FLCN: variants seen among roughly 807,000 people sequenced by gnomAD.
The protein encoded by FLCN is BHD skin lesion fibrofolliculoma protein.
Under a neutral mutation model 62.5 loss-of-function variants are expected in FLCN, and 22 were observed. That is an observed-to-expected ratio of 0.35 (90% CI 0.25 to 0.50). FLCN has a LOEUF of 0.50. Among genes scored for constraint, FLCN ranks in the 20% least tolerant of loss-of-function variants. The probability of loss-of-function intolerance (pLI) is 0.97; values close to 1 mark genes in which losing one functional copy is unlikely to be tolerated. For missense variants in FLCN, 657 were observed against 778.0 expected, an observed-to-expected ratio of 0.84 and a Z score of 1.85; for synonymous variants, 319 against 310.0, an observed-to-expected ratio of 1.03 and a Z score of -0.30.
Position 17,219,012 on chromosome 17 carries a change from C to T in FLCN, c.1062+7G>A, listed in dbSNP as rs540198776. ...AGCTCCTGATGCGCTGTGCCCCTGC[C>T]GCCTACCTGCCTCATGTGCCGGAGG... is the stretch of plus-strand genomic sequence containing the variant. On this transcript the variant is annotated splice_region_variant and intron_variant, in intron 9 of 13. Coordinates refer to ENST00000285071, the MANE Select transcript of FLCN (RefSeq NM_144997.7). 147 of 1,612,892 alleles carry T rather than the reference C, an allele frequency of 9.1e-5. No homozygotes were observed. The highest frequency in any genetic ancestry group is 7.1e-4 in the Middle Eastern group (4 of 5,606).
At chr17:17,233,716 C>CTT (rs34208211) in intron 1 of FLCN, among the ~76,000 whole-genome samples, 2,156 of 63,958 alleles carry the variant, frequency 0.034, 154 homozygotes, top group African/African-American at 0.1. Flanking sequence ...CCCATCTTTC[C>CTT]TTTTTTTTTT....
intron 13 of FLCN, 112 bp downstream of exon 13, chr17:17,214,873 C>G: frequency 8.5e-7 from 1 of 1,177,168 alleles, no homozygotes; most frequent in Admixed American, 1.8e-5. Context: ...CGCCCCCAAC[C>G]TCTTCTCTCG....
In FLCN at chr17:17,233,325, C is replaced by T. The variant is rs868725117; in HGVS notation, c.-227-424G>A. On this transcript the variant is annotated intron_variant, in intron 1 of 13. Transcript: ENST00000285071. ...TAAAAAAAATTAGCCAGGCCGGGCGCGGTGGCTCACGCCTGTAACCCCGGC... is the reference window on the plus strand; with the variant it reads ...TAAAAAAAATTAGCCAGGCCGGGCGTGGTGGCTCACGCCTGTAACCCCGGC... Among the ~76,000 whole-genome samples, 25 of 152,098 alleles carry T rather than the reference C, an allele frequency of 1.6e-4. No individual in the cohort carries two copies. The South Asian group carries it at 2.7e-3, about 16-fold the overall frequency.
At chr17:17,227,588 G>C (rs545277099) in intron 4 of FLCN, among the ~76,000 whole-genome samples, 1 of 152,260 alleles carries the variant, frequency 6.6e-6, no homozygotes, top group South Asian at 2.1e-4. Flanking sequence ...TGGCAGGCAA[G>C]TGTAATTCGT....
chr17:17,224,598 T>C, intron 5 of FLCN: 1 of 276,368 alleles, frequency 3.6e-6, no homozygotes, highest in Non-Finnish European at 7.1e-6. Flanking sequence ...TGCAGTGGTG[T>C]GATCCTGGCC....
chr17:17,227,242 ACT>A (rs1169400424), intron 4 of FLCN, among the ~76,000 whole-genome samples: 3 of 151,834 alleles, frequency 2.0e-5, no homozygotes, highest in Non-Finnish European at 2.9e-5. Flanking sequence ...ACTGGGGAAA[ACT>A]CACACTAATT....
intron 4 of FLCN, 30 bp from the exon 5 acceptor site, chr17:17,226,352 T>C: frequency 6.2e-7 from 1 of 1,613,830 alleles, no homozygotes; most frequent in Non-Finnish European, 8.5e-7. Context: ...GTAAATCTGT[T>C]AGTTGGGAAG....
At chr17:17,231,574 A>T (rs1380998416) in intron 3 of FLCN, 1 of 152,290 alleles carries the variant, frequency 6.6e-6, no homozygotes, top group East Asian at 1.9e-4. Context: ...TCTTCTGGGG[A>T]GCCCCCACCC....
At chr17:17,226,713 TA>T (rs1021080483) in intron 4 of FLCN, among the ~76,000 whole-genome samples, 22 of 152,250 alleles carry the variant, frequency 1.4e-4, no homozygotes, top group African/African-American at 5.3e-4. Flanking sequence ...TCTGTGGTGG[TA>T]ACACTACCCA....
At chr17:17,217,277 A>T in intron 9 of FLCN, 95 bp from the exon 10 acceptor site, 1 of 891,890 alleles carries the variant, frequency 1.1e-6, no homozygotes, top group Non-Finnish European at 1.8e-6. Context: ...AAAACTTTGT[A>T]GAGCAAAGAC....
intron 8 of FLCN, chr17:17,220,732 A>G (rs2047062108): frequency 6.0e-6 from 1 of 167,158 alleles, no homozygotes; most frequent in African/African-American, 2.4e-5. Flanking sequence ...GATTAGCACT[A>G]TAATAAATGG....
At chr17:17,222,367 C>T in intron 7 of FLCN, 134 bp downstream of exon 7, 1 of 1,282,786 alleles carries the variant, frequency 7.8e-7, no homozygotes, top group Non-Finnish European at 1.1e-6. Flanking sequence ...CAAGTGCCCA[C>T]AGGCCAGTGC....
chr17:17,215,919 A>G (rs2046905690), intron 11 of FLCN, among the ~76,000 whole-genome samples: 1 of 152,158 alleles, frequency 6.6e-6, no homozygotes, highest in Admixed American at 6.5e-5. Flanking sequence ...AGCCCTGACC[A>G]CACCAGTGAA....
intron 3 of FLCN, chr17:17,228,420 A>G (rs917389084): frequency 2.3e-5 from 11 of 468,508 alleles, no homozygotes; most frequent in African/African-American, 2.1e-4. Context: ...GAGCTGTGAC[A>G]GAGCCACAGC....
intron 7 of FLCN, 91 bp from the exon 8 acceptor site, chr17:17,221,719 A>G: frequency 7.2e-7 from 1 of 1,382,972 alleles, no homozygotes; most frequent in Non-Finnish European, 9.9e-7. Flanking sequence ...CAGTTTAAAG[A>G]AAAAATGGGT....
intron 3 of FLCN, among the ~76,000 whole-genome samples, chr17:17,230,004 A>G (rs1264499209): frequency 1.3e-5 from 2 of 152,162 alleles, no homozygotes; most frequent in Non-Finnish European, 2.9e-5. Flanking sequence ...TTCCTAACGA[A>G]TGCAGGAAAG....
intron 6 of FLCN, chr17:17,222,990 C>A: frequency 2.4e-6 from 1 of 410,746 alleles, no homozygotes. Context: ...TCTGGGTGCA[C>A]TACTTGGCTA....
intron 4 of FLCN, 91 bp downstream of exon 4, chr17:17,227,798 C>G: frequency 6.3e-7 from 1 of 1,584,226 alleles, no homozygotes; most frequent in Non-Finnish European, 8.7e-7. Flanking sequence ...TCTGTGTCAC[C>G]CCGGGAGGCC....
chr17:17,213,199 C>T lies in FLCN; in HGVS notation c.*456G>A, dbSNP rs1852775630. On this transcript the variant is annotated 3_prime_UTR_variant, in exon 14 of 14. Coordinates refer to ENST00000285071, the MANE Select transcript of FLCN (RefSeq NM_144997.7). Reference sequence around the variant, plus strand: ...CTGGCAATGTACTGAATATTCACAACTGCAGCAAAAGGTACCCTCAAACAT... The same window carrying T: ...CTGGCAATGTACTGAATATTCACAATTGCAGCAAAAGGTACCCTCAAACAT... 1 of 376,844 alleles carries T rather than the reference C, an allele frequency of 2.7e-6. No homozygotes were observed. Among genetic ancestry groups the T allele is most frequent in the South Asian group, 3.2e-5 (1 of 31,148 alleles). 23.3% of individuals were successfully genotyped at this position (376,844 alleles called of 1,614,324 possible).
Sources: allele counts gnomAD v4.1 joint callset (sites outside exome capture counted in the v4.1 genomes callset), GRCh38; gene constraint gnomAD v4.1.1; transcripts MANE v1.5; gene names NCBI Gene and HGNC (gene_info 2026-07-23, HGNC 2026-07-21).